DCAF6: variants seen among roughly 807,000 people sequenced by gnomAD.
DCAF6 encodes the protein DDB1 and CUL4 associated factor 6, also known as DDB1- and CUL4-associated factor 6.
A neutral mutation model predicts 125.1 loss-of-function variants in DCAF6; 54 were observed. That is an observed-to-expected ratio of 0.43 (90% CI 0.35 to 0.54). DCAF6 has a LOEUF of 0.54. DCAF6 is among the 20% of genes least tolerant of loss of function. The probability of loss-of-function intolerance (pLI) is 0.01; values close to 1 mark genes in which losing one functional copy is unlikely to be tolerated. For synonymous variants in DCAF6, 371 were observed against 390.4 expected (o/e 0.95, Z 0.58); for missense variants, 934 against 1,161.7 (o/e 0.80, Z 2.85).
chr1:168,018,830 G>A (rs1315957035), intron 11 of DCAF6, among the ~76,000 whole-genome samples: 1 of 151,988 alleles, frequency 6.6e-6, no homozygotes, highest in African/African-American at 2.4e-5. Flanking sequence ...CAGTGCCTGG[G>A]AATTAGATTG....
the DCAF6 span, among the ~76,000 whole-genome samples, chr1:167,892,052 C>T: frequency 6.6e-6 from 1 of 151,578 alleles, no homozygotes; most frequent in Non-Finnish European, 1.5e-5. Flanking sequence ...CGGCTCACTG[C>T]AAGCTCCGTC....
chr1:167,951,884 C>G, intron 2 of DCAF6, 23 bp downstream of exon 2: 1 of 1,541,556 alleles, frequency 6.5e-7, no homozygotes, highest in Non-Finnish European at 9.0e-7. Flanking sequence ...TAATTCTCAA[C>G]TCTGAAGGGA....
chr1:167,969,059 TA>T (rs1385782977), intron 3 of DCAF6: 3 of 152,160 alleles, frequency 2.0e-5, no homozygotes, highest in African/African-American at 7.2e-5. Flanking sequence ...GGTTTTTTTT[TA>T]CCATTCTGAC....
the DCAF6 span, among the ~76,000 whole-genome samples, chr1:167,888,693 G>A: frequency 2.6e-5 from 4 of 151,902 alleles, no homozygotes; most frequent in Non-Finnish European, 5.9e-5. Context: ...TGGCTAACAC[G>A]GTGAAACCTC....
At chr1:167,917,180 A>C in the DCAF6 span, 12 of 152,214 alleles carry the variant, frequency 7.9e-5, no homozygotes, top group African/African-American at 2.7e-4. Flanking sequence ...TAGATAGTTA[A>C]TTATTTGTAG....
At chr1:168,033,676 T>G (rs1284574681) in intron 12 of DCAF6, among the ~76,000 whole-genome samples, 1 of 152,132 alleles carries the variant, frequency 6.6e-6, no homozygotes, top group Non-Finnish European at 1.5e-5. Flanking sequence ...TCACTTCTAA[T>G]CCCCCAAAAT....
chr1:167,996,977 A>G (rs116026359), intron 7 of DCAF6, among the ~76,000 whole-genome samples: 2,797 of 152,114 alleles, frequency 0.018, 76 homozygotes, highest in African/African-American at 0.064. Flanking sequence ...CTTTCTATGT[A>G]TATTTTGCTT....
the DCAF6 span, among the ~76,000 whole-genome samples, chr1:167,897,014 G>A: frequency 8.6e-5 from 13 of 151,914 alleles, no homozygotes. Context: ...AATAAAACCT[G>A]GTTAAACTGC....
chr1:167,886,376 C>A, the DCAF6 span, among the ~76,000 whole-genome samples: 8 of 152,026 alleles, frequency 5.3e-5, no homozygotes, highest in African/African-American at 1.7e-4. Context: ...TGGAACAGAT[C>A]CCTCAGAAAT....
chr1:168,051,119 G>A (rs1293426851), intron 17 of DCAF6, among the ~76,000 whole-genome samples, 186 bp downstream of exon 17: 1 of 152,116 alleles, frequency 6.6e-6, no homozygotes, highest in Admixed American at 6.6e-5. Flanking sequence ...CACTGCATGG[G>A]GATAGAATGA....
At chr1:167,863,872 T>C in the DCAF6 span, among the ~76,000 whole-genome samples, 1 of 152,222 alleles carries the variant, frequency 6.6e-6, no homozygotes, top group Non-Finnish European at 1.5e-5. Flanking sequence ...CCCACTCCAT[T>C]TGAGTGGAAG....
At chr1:167,866,334 C>G in the DCAF6 span, among the ~76,000 whole-genome samples, 1 of 152,092 alleles carries the variant, frequency 6.6e-6, no homozygotes, top group Non-Finnish European at 1.5e-5. Flanking sequence ...AATACCAGAT[C>G]AATTTAAAGC....
intron 1 of DCAF6, among the ~76,000 whole-genome samples, chr1:167,941,684 G>A (rs1672264883): frequency 6.6e-6 from 1 of 152,102 alleles, no homozygotes; most frequent in Admixed American, 6.5e-5. Context: ...GTAATTTAAT[G>A]TTGCTTCAGG....
At chr1:167,867,378 G>A in the DCAF6 span, among the ~76,000 whole-genome samples, 1 of 152,260 alleles carries the variant, frequency 6.6e-6, no homozygotes, top group Admixed American at 6.5e-5. Flanking sequence ...ATTTGGACTT[G>A]TACAGTAAGG....
At chr1:168,014,571 A>T (rs1394400940) in intron 10 of DCAF6, among the ~76,000 whole-genome samples, 1 of 152,114 alleles carries the variant, frequency 6.6e-6, no homozygotes, top group East Asian at 1.9e-4. Context: ...CTCCACTTGG[A>T]TGTCTATTCA....
At position 168,073,023 on chromosome 1, in the gene DCAF6, A is replaced by C. The variant is rs1373782574; in HGVS notation, c.2792-2348A>C. Among the ~76,000 whole-genome samples, 16 of 152,182 alleles carry C rather than the reference A, an allele frequency of 1.1e-4. No homozygotes were observed. In the East Asian group the frequency reaches 2.9e-3, roughly 28 times the overall value. On this transcript the variant is annotated intron_variant, in intron 21 of 21. Coordinates refer to ENST00000367840, the MANE Select transcript of DCAF6 (RefSeq NM_001198956.2). ...AAACCCCATCTCTACTAAAAACAAAAAAATCAGCCGGGTGTGGTGGCACGC... is the reference window on the plus strand; with the variant it reads ...AAACCCCATCTCTACTAAAAACAAACAAATCAGCCGGGTGTGGTGGCACGC...
At chr1:167,967,421 T>G (rs543855724) in intron 3 of DCAF6, among the ~76,000 whole-genome samples, 1 of 152,314 alleles carries the variant, frequency 6.6e-6, no homozygotes, top group Non-Finnish European at 1.5e-5. Context: ...GAATGTTTCC[T>G]TTACAAGGAT....
At chr1:167,882,343 G>C in the DCAF6 span, among the ~76,000 whole-genome samples, 1 of 152,076 alleles carries the variant, frequency 6.6e-6, no homozygotes, top group Non-Finnish European at 1.5e-5. Context: ...AAATTAGCCA[G>C]GTGTGGTGGC....
At chr1:167,978,401 T>G (rs1262872752) in intron 4 of DCAF6, among the ~76,000 whole-genome samples, 1 of 152,210 alleles carries the variant, frequency 6.6e-6, no homozygotes, top group African/African-American at 2.4e-5. Flanking sequence ...TCTACTTTGG[T>G]GGATGTATAG....
Sources: allele counts gnomAD v4.1 joint callset (sites outside exome capture counted in the v4.1 genomes callset), GRCh38; gene constraint gnomAD v4.1.1; transcripts MANE v1.5; gene names NCBI Gene and HGNC (gene_info 2026-07-23, HGNC 2026-07-21).